Variants in CSNK2A2 observed in about 807,000 individuals in gnomAD.
CSNK2A2 encodes casein kinase 2 alpha 2.
Under a neutral mutation model 54.0 loss-of-function variants are expected in CSNK2A2, and 8 were observed. The ratio of observed to expected loss-of-function variants is 0.15; its 90% CI spans 0.09 to 0.27. The LOEUF is 0.27. CSNK2A2 is among the 10% of genes least tolerant of loss of function. The pLI is 1.00. For missense variants in CSNK2A2, 242 were observed against 439.4 expected, an observed-to-expected ratio of 0.55 and a Z score of 4.02; for synonymous variants, 141 against 153.9, an observed-to-expected ratio of 0.92 and a Z score of 0.62.
chr16:58,191,593 C>T (rs1179130234), intron 2 of CSNK2A2, among the ~76,000 whole-genome samples: 1 of 152,086 alleles, frequency 6.6e-6, no homozygotes, highest in Non-Finnish European at 1.5e-5. Flanking sequence ...GAACTCCTGA[C>T]GTCAGGTGAT....
chr16:58,167,855 A>C, intron 6 of CSNK2A2, 60 bp from the exon 7 acceptor site: 2 of 1,280,528 alleles, frequency 1.6e-6, no homozygotes, highest in South Asian at 1.2e-5. Context: ...TATGCCTTAG[A>C]ACAAGGCCAC....
intron 2 of CSNK2A2, among the ~76,000 whole-genome samples, chr16:58,196,120 G>A (rs1405620319): frequency 6.6e-6 from 1 of 152,170 alleles, no homozygotes; most frequent in Non-Finnish European, 1.5e-5. Flanking sequence ...CTTAAATTGA[G>A]AGTGGCTTTT....
At position 58,197,533 on chromosome 16, in the gene CSNK2A2, G is replaced by A. The variant is rs1168599909; in HGVS notation, c.104+100C>T. ...CTGCCTCCCTGCGGGCCCGCGGAGGGGTCGGCGGGAGACACCACCGGGCCC... is the reference window on the plus strand; with the variant it reads ...CTGCCTCCCTGCGGGCCCGCGGAGGAGTCGGCGGGAGACACCACCGGGCCC... On this transcript the variant is annotated intron_variant, in intron 1 of 11. Coordinates refer to ENST00000262506, the MANE Select transcript of CSNK2A2 (RefSeq NM_001896.4). This position sits in a 1 kb window ranked among gnomAD's most constrained non-coding sequence, Gnocchi z 4.0. The A allele has an allele frequency of 1.6e-6, 1 of 620,586 alleles. No individual in the cohort carries two copies. Among genetic ancestry groups the A allele is most frequent in the South Asian group, 2.1e-5 (1 of 47,788 alleles). The allele number at this position is 620,586 out of a possible 1,614,324, so 38.4% of individuals were successfully genotyped here.
At position 58,197,672 on chromosome 16, in the gene CSNK2A2, C is replaced by A; in HGVS notation, c.65G>T (p.Arg22Leu). 6.3e-7 allele frequency: 1 copy of A among 1,577,422 alleles called. No homozygotes were observed. The change falls in exon 1 of 12, where the codon CGC becomes CTC. Residue 22 changes from arginine (R) to leucine (L), a missense_variant. Around this residue, in one of 5 missense-constraint regions of CSNK2A2, gnomAD observed 48 missense variants for 55.4 expected, o/e 0.87. Coordinates refer to ENST00000262506, the MANE Select transcript of CSNK2A2 (RefSeq NM_001896.4). The surrounding 1 kb of genome is among the most constrained non-coding windows in gnomAD (Gnocchi z 4.0). ...VYAEVNSLRS[R>L]EYWDYEAHVP... ...GTGAGCCTCGTAGTCCCAGTACTCG[C>A]GGCTCCTCAGACTGTTCACCTCGGC... is the stretch of plus-strand genomic sequence containing the variant.
chr16:58,167,342 T>C (rs992729596), intron 7 of CSNK2A2, 34 bp from the exon 8 acceptor site: 3 of 1,502,388 alleles, frequency 2.0e-6, no homozygotes, highest in East Asian at 4.6e-5. Context: ...TAGCCAAGGG[T>C]ATTAGAAATC....
chr16:58,197,678 C>T lies in CSNK2A2; in HGVS notation c.59G>A (p.Arg20Lys), dbSNP rs1195162965. ...CTCGTAGTCCCAGTACTCGCGGCTC[C>T]TCAGACTGTTCACCTCGGCGTAGAC... ...ARVYAEVNSLRSREYWDYEAH... is the reference protein window; with the variant it reads ...ARVYAEVNSLKSREYWDYEAH... The change falls in exon 1 of 12, where the codon AGG (arginine) becomes AAG (lysine). Residue 20 changes from arginine (R) to lysine (K), a missense_variant. Coordinates refer to ENST00000262506, the MANE Select transcript of CSNK2A2 (RefSeq NM_001896.4). This position sits in a 1 kb window ranked among gnomAD's most constrained non-coding sequence, Gnocchi z 4.0. 2 of 1,575,924 alleles carry T rather than the reference C, an allele frequency of 1.3e-6. No individual in the cohort carries two copies. Among genetic ancestry groups the T allele is most frequent in the Non-Finnish European group, 1.7e-6 (2 of 1,164,202 alleles).
intron 2 of CSNK2A2, among the ~76,000 whole-genome samples, chr16:58,191,220 G>A (rs1357333301): frequency 1.3e-5 from 2 of 152,138 alleles, no homozygotes; most frequent in African/African-American, 4.8e-5. Context: ...GGGGGAGGGA[G>A]AAATAGGTAG....
intron 4 of CSNK2A2, among the ~76,000 whole-genome samples, chr16:58,175,710 A>T (rs772672100): frequency 1.3e-5 from 2 of 152,222 alleles, no homozygotes; most frequent in Non-Finnish European, 2.9e-5. Context: ...ATTTGCCAAG[A>T]ACCAAATTTA....
At chr16:58,185,276 A>G (rs949073784) in intron 3 of CSNK2A2, among the ~76,000 whole-genome samples, 2 of 152,224 alleles carry the variant, frequency 1.3e-5, no homozygotes, top group African/African-American at 4.8e-5. Context: ...CAGCCCCAGT[A>G]GCAGCCATGA....
chr16:58,163,800 CTA>C, intron 11 of CSNK2A2: 1 of 322,348 alleles, frequency 3.1e-6, no homozygotes, highest in Non-Finnish European at 5.7e-6. Context: ...CTCCGAGTCT[CTA>C]TCTCCCATGC....
At chr16:58,184,027 GC>G (rs376253686) in intron 4 of CSNK2A2, among the ~76,000 whole-genome samples, 2 of 152,140 alleles carry the variant, frequency 1.3e-5, no homozygotes, top group African/African-American at 4.8e-5. Context: ...CTTAGACCCA[GC>G]CGAGCAGCTA....
rs1181384327 is a variant in CSNK2A2, at chr16:58,197,884, G to A, written c.-148C>T. 10 of 131,816 alleles carry A rather than the reference G, an allele frequency of 7.6e-5. No homozygotes were observed. The highest frequency in any genetic ancestry group is 7.3e-4 in the Admixed American group (10 of 13,738). The allele number at this position is 131,816 out of a possible 1,614,324, so 8.2% of individuals were successfully genotyped here. On this transcript the variant is annotated 5_prime_UTR_variant, in exon 1 of 12. Transcript: ENST00000262506. This position sits in a 1 kb window ranked among gnomAD's most constrained non-coding sequence, Gnocchi z 4.0. The stretch of plus-strand genomic sequence containing the variant: ...GCGCGGCGGCGGGCGGCCGCGCCAG[G>A]CCGGGCCCGCGGGGGCGGGCGGGCT...
At position 58,183,377 on chromosome 16, in the gene CSNK2A2, CAAAA is replaced by C. The variant is rs397957932; in HGVS notation, c.369+879_369+882del. Among the ~76,000 whole-genome samples the C allele has an allele frequency of 1.6e-4, 20 of 124,350 alleles. No homozygotes were observed. The East Asian group carries it at 3.8e-3, about 24-fold the overall frequency. 81.6% of individuals were successfully genotyped at this position (124,350 alleles called of 152,430 possible). ...GGGTGACAAAAGCGAAACTCGATCTCAAAAAAAAAAAAAAAGTGTGAGAATAAGG... is the reference window on the plus strand; with the variant it reads ...GGGTGACAAAAGCGAAACTCGATCTCAAAAAAAAAAAGTGTGAGAATAAGG... On this transcript the variant is annotated intron_variant, in intron 4 of 11. Coordinates refer to ENST00000262506, the MANE Select transcript of CSNK2A2 (RefSeq NM_001896.4).
At chr16:58,186,313 G>A (rs1370310269) in intron 3 of CSNK2A2, among the ~76,000 whole-genome samples, 1 of 152,226 alleles carries the variant, frequency 6.6e-6, no homozygotes, top group Non-Finnish European at 1.5e-5. Flanking sequence ...AGGGTCAGTG[G>A]AGCTGGGACC....
intron 11 of CSNK2A2, chr16:58,161,131 C>A (rs1218155189): frequency 1.3e-5 from 2 of 152,226 alleles, no homozygotes; most frequent in African/African-American, 4.8e-5. Flanking sequence ...TGCCACCACA[C>A]CAGAGGTGCA....
chr16:58,177,025 C>A (rs1034976217), intron 4 of CSNK2A2, among the ~76,000 whole-genome samples: 3 of 152,192 alleles, frequency 2.0e-5, no homozygotes, highest in Non-Finnish European at 2.9e-5. Flanking sequence ...CTCTCCCCAC[C>A]ACCCAAGTAT....
intron 4 of CSNK2A2, among the ~76,000 whole-genome samples, chr16:58,178,648 T>C (rs960461653): frequency 6.6e-6 from 1 of 152,220 alleles, no homozygotes; most frequent in Non-Finnish European, 1.5e-5. Context: ...CTGACTTTTC[T>C]CATTCATTCG....
At chr16:58,161,676 T>C (rs956806860) in intron 11 of CSNK2A2, 1 of 152,192 alleles carries the variant, frequency 6.6e-6, no homozygotes, top group Non-Finnish European at 1.5e-5. Context: ...AAAATGGTTT[T>C]TGGAGACAGG....
In CSNK2A2 at chr16:58,164,084, G is replaced by T. The variant is rs753544192; in HGVS notation, c.1040C>A (p.Thr347Lys). 1.2e-6 allele frequency: 2 copies of T among 1,613,636 alleles called. No individual in the cohort carries two copies. Among genetic ancestry groups the T allele is most frequent in the African/African-American group, 1.3e-5 (1 of 75,054 alleles). The change falls in exon 11 of 12, where the codon ACG becomes AAG. Residue 347 changes from threonine (T) to lysine (K), a missense_variant. Thr to Lys is a moderately conservative substitution (Grantham distance 78). Coordinates refer to ENST00000262506, the MANE Select transcript of CSNK2A2 (RefSeq NM_001896.4). ...GCTTTCCAGTCTTCATCGTGCTGCC[G>T]TGAGACCACTGGAAAGCACAGCATT... ...ADNAVLSSGLTAAR is the reference protein window; with the variant it reads ...ADNAVLSSGLKAAR
Sources: gnomAD v4.1 joint callset for allele counts (sites outside exome capture counted in the v4.1 genomes callset) on GRCh38, gnomAD v4.1.1 for gene constraint, gnomAD v4.1.1 regional missense constraint, Gnocchi (gnomAD v3.1) non-coding constraint, MANE v1.5 for transcripts, NCBI Gene and HGNC (gene_info 2026-07-23, HGNC 2026-07-21) for gene names.